FER1L6: variants seen among roughly 807,000 people sequenced by gnomAD.
FER1L6 encodes fer-1-like protein 6.
FER1L6 carries 177 observed loss-of-function variants against 219.2 expected under a neutral mutation model. The ratio of observed to expected loss-of-function variants is 0.81; its 90% confidence interval spans 0.71 to 0.91. FER1L6 has a LOEUF of 0.91. Among genes scored for constraint, FER1L6 ranks in the 40% least tolerant of loss-of-function variants. The pLI is 0.00. For missense variants in FER1L6, 2,153 were observed against 2,259.9 expected (o/e 0.95, Z 0.96); for synonymous variants, 768 against 824.3 (o/e 0.93, Z 1.17).
intron 33 of FER1L6, among the ~76,000 whole-genome samples, chr8:124,083,820 AT>A (rs1238296545): frequency 6.6e-6 from 1 of 152,112 alleles, no homozygotes; most frequent in African/African-American, 2.4e-5. Flanking sequence ...TGTCATTGGT[AT>A]TTTGATAGAG....
In FER1L6 at chr8:124,064,394, T is replaced by C. The variant is rs1439224304; in HGVS notation, c.3376T>C (p.Ser1126Pro). 6.2e-7 allele frequency: 1 copy of C among 1,613,126 alleles called. No individual in the cohort carries two copies. Residue 1126 changes from serine (S) to proline (P), a missense_variant, in exon 26 of 41, where the codon TCC (serine) becomes CCC (proline). Coordinates refer to ENST00000522917, the MANE Select transcript of FER1L6 (RefSeq NM_001039112.2). ...CACTGAGTCCTCTGGAGCCCACAGC[T>C]CCTCCCAGGATCCCCCAGCAGATCA... ...TATESSGAHS[S>P]SQDPPADHIY...
At chr8:123,965,932 ACT>A (rs746710639) in intron 3 of FER1L6, 73 bp from the exon 4 acceptor site, 10 of 1,268,678 alleles carry the variant, frequency 7.9e-6, no homozygotes, top group Non-Finnish European at 1.1e-5. Context: ...ACTTAGAAAT[ACT>A]TTGGAGAATA....
At chr8:124,034,010 G>A (rs549106110) in intron 18 of FER1L6, among the ~76,000 whole-genome samples, 4 of 152,212 alleles carry the variant, frequency 2.6e-5, no homozygotes, top group East Asian at 1.9e-4. Flanking sequence ...TGTGGAACCC[G>A]CAGAGCACAA....
chr8:123,947,069 C>T (rs1795609394), intron 1 of FER1L6, among the ~76,000 whole-genome samples: 1 of 151,882 alleles, frequency 6.6e-6, no homozygotes, highest in South Asian at 2.1e-4. Flanking sequence ...GGCAGATCAC[C>T]AGGTCAGGAG....
At chr8:124,070,699 G>A in intron 30 of FER1L6, 101 bp downstream of exon 30, 2 of 1,043,964 alleles carry the variant, frequency 1.9e-6, no homozygotes, top group Non-Finnish European at 2.7e-6. Context: ...ATGTGTGTAG[G>A]GAAAATCCTT....
chr8:124,095,003 C>T lies in FER1L6; in HGVS notation c.4660C>T (p.Pro1554Ser). 1 of 1,614,086 alleles carries T rather than the reference C, an allele frequency of 6.2e-7. No homozygotes were observed. The highest frequency in any genetic ancestry group is 8.5e-7 in the Non-Finnish European group (1 of 1,179,964). ...GGTTCCTGAACACATAGAAACTCGGCCACTGTACCACAAGGATAAGCCAGG... is the reference window on the plus strand; with the variant it reads ...GGTTCCTGAACACATAGAAACTCGGTCACTGTACCACAAGGATAAGCCAGG... ...RLVPEHIETR[P>S]LYHKDKPGME... Residue 1554 changes from proline (P) to serine (S), a missense_variant, in exon 35 of 41, where the codon CCA becomes TCA. Physicochemically the swap from Pro to Ser is moderately conservative, Grantham distance 74 (BLOSUM62 -1). Coordinates refer to ENST00000522917, the MANE Select transcript of FER1L6 (RefSeq NM_001039112.2).
chr8:124,065,078 T>G (rs1480618705), intron 26 of FER1L6, among the ~76,000 whole-genome samples: 1 of 152,074 alleles, frequency 6.6e-6, no homozygotes, highest in African/African-American at 2.4e-5. Context: ...TCAATTGAAT[T>G]AAAAGAGAAG....
intron 1 of FER1L6, among the ~76,000 whole-genome samples, chr8:123,854,008 T>C (rs963641649): frequency 6.6e-6 from 1 of 152,100 alleles, no homozygotes; most frequent in Non-Finnish European, 1.5e-5. Context: ...TACGTCTGAG[T>C]GCTGGCCCTT....
chr8:124,071,668 A>G, intron 31 of FER1L6, 37 bp downstream of exon 31: 1 of 1,596,816 alleles, frequency 6.3e-7, no homozygotes, highest in Non-Finnish European at 8.6e-7. Flanking sequence ...GGGTGTATTT[A>G]TCTGCTCAGG....
intron 1 of FER1L6, among the ~76,000 whole-genome samples, chr8:123,880,884 C>T (rs922180854): frequency 6.9e-6 from 1 of 144,798 alleles, no homozygotes; most frequent in Non-Finnish European, 1.5e-5. Context: ...GGAGCTTTGC[C>T]TAACACACAT....
chr8:123,873,140 A>G (rs1816951498), intron 1 of FER1L6, among the ~76,000 whole-genome samples: 1 of 152,172 alleles, frequency 6.6e-6, no homozygotes, highest in South Asian at 2.1e-4. Flanking sequence ...CAATCTTAGA[A>G]CCATGATCCA....
rs112856774 is a variant in FER1L6 at position 124,011,155 on chromosome 8, A to G, written c.1821+441A>G. ...GTTCTTCCTCCCTTACTTTGTTCCA[A>G]CTACACTGGTGCCCTTTTAATATGT... On this transcript the variant is annotated intron_variant, in intron 14 of 40. Transcript: ENST00000522917. Among the ~76,000 whole-genome samples the G allele has an allele frequency of 7.2e-3, 1,096 of 152,130 alleles. 22 individuals carry two copies. Among genetic ancestry groups the G allele is most frequent in the African/African-American group, 0.024 (1,005 of 41,486 alleles).
intron 1 of FER1L6, among the ~76,000 whole-genome samples, chr8:123,894,355 A>G (rs891330725): frequency 2.0e-5 from 3 of 152,098 alleles, no homozygotes; most frequent in African/African-American, 7.2e-5. Context: ...CTGATTTCCC[A>G]TCTTCTTGGC....
At chr8:123,975,756 A>G in intron 8 of FER1L6, 142 bp from the exon 9 acceptor site, 2 of 677,884 alleles carry the variant, frequency 3.0e-6, no homozygotes, top group Non-Finnish European at 4.9e-6. Context: ...CTATAAAGAA[A>G]ACTCATTTCA....
At chr8:124,010,111 G>A (rs879253066) in intron 13 of FER1L6, among the ~76,000 whole-genome samples, 2 of 150,924 alleles carry the variant, frequency 1.3e-5, no homozygotes, top group African/African-American at 2.4e-5. Context: ...GTGGAGGAGA[G>A]GTCTTGTTCT....
At position 124,111,124 on chromosome 8, in the gene FER1L6, T is replaced by G. The variant is rs1394250286; in HGVS notation, c.5290-7720T>G. 5.9e-5 allele frequency among the ~76,000 whole-genome samples: 9 copies of G among 152,170 alleles called. No homozygotes were observed. On this transcript the variant is annotated intron_variant, in intron 39 of 40. Transcript: ENST00000522917. The surrounding 1 kb of genome is among the most constrained non-coding windows in gnomAD (Gnocchi z 5.0). ...GCCTGTCAGCTTTCAAAACAATTTATATACGTTACAGAGAGAAGAGAAAGT... is the reference window on the plus strand; with the variant it reads ...GCCTGTCAGCTTTCAAAACAATTTAGATACGTTACAGAGAGAAGAGAAAGT...
intron 1 of FER1L6, among the ~76,000 whole-genome samples, chr8:123,923,458 A>G (rs1447149616): frequency 6.6e-6 from 1 of 152,198 alleles, no homozygotes; most frequent in Admixed American, 6.5e-5. Flanking sequence ...GTTCAACTCA[A>G]TGTCATGCTG....
rs201870023 is a variant in FER1L6 at position 123,930,108 on chromosome 8, AT to A, written c.-7-25883del. ...TTTTGCCCAAAGGTAACATAGAAAAATATCACAGCTAGGATATTGACATTGA... is the reference window on the plus strand; with the variant it reads ...TTTTGCCCAAAGGTAACATAGAAAAAATCACAGCTAGGATATTGACATTGA... On this transcript the variant is annotated intron_variant, in intron 1 of 40. Coordinates refer to ENST00000522917, the MANE Select transcript of FER1L6 (RefSeq NM_001039112.2). 8.3e-4 allele frequency among the ~76,000 whole-genome samples: 126 copies of A among 152,336 alleles called. 2 individuals carry two copies. In the East Asian group the frequency reaches 0.023, roughly 28 times the overall value.
intron 22 of FER1L6, among the ~76,000 whole-genome samples, chr8:124,055,298 C>T (rs536092706): frequency 9.1e-4 from 138 of 151,986 alleles, no homozygotes; most frequent in African/African-American, 2.5e-3. Flanking sequence ...ATTAGCTGGG[C>T]GTGGTGGTGG....
Sources: allele counts gnomAD v4.1 joint callset (sites outside exome capture counted in the v4.1 genomes callset), GRCh38; gene constraint gnomAD v4.1.1; non-coding constraint Gnocchi (gnomAD v3.1); transcripts MANE v1.5; gene names NCBI Gene and HGNC (gene_info 2026-07-23, HGNC 2026-07-21).